The following GPR39 variants were observed in gnomAD, a reference collection of about 807,000 sequenced individuals.
GPR39 encodes zinc sensing receptor.
GPR39 carries 23 observed loss-of-function variants against 18.4 expected under a neutral mutation model. The ratio of observed to expected loss-of-function variants is 1.25; its 90% confidence interval spans 0.90 to 1.77. GPR39 has a LOEUF of 1.77. Among genes scored for constraint, GPR39 ranks in the 40% most tolerant of loss-of-function variants. The probability of loss-of-function intolerance (pLI) is 0.00; values close to 1 mark genes in which losing one functional copy is unlikely to be tolerated. For missense variants in GPR39, 647 were observed against 602.4 expected (o/e 1.07, Z -0.78); for synonymous variants, 280 against 257.9 (o/e 1.09, Z -0.82).
At chr2:132,536,600 T>G (rs997791632) in intron 1 of GPR39, among the ~76,000 whole-genome samples, 6 of 152,234 alleles carry the variant, frequency 3.9e-5, no homozygotes, top group Non-Finnish European at 8.8e-5. Context: ...GATCCAGAGC[T>G]GTGTTCAAGT....
In GPR39 at chr2:132,452,110, A is replaced by G. The variant is rs148524297; in HGVS notation, c.856+34212A>G. Among the ~76,000 whole-genome samples the G allele has an allele frequency of 2.5e-3, 376 of 152,286 alleles. 2 individuals are homozygous for G. Among genetic ancestry groups the G allele is most frequent in the African/African-American group, 8.7e-3 (361 of 41,578 alleles). ...CTAGTACCAAAGGTATCACTCCACT[A>G]TCTTCTAATGGTAAATGATACAATG... On this transcript the variant is annotated intron_variant, in intron 1 of 1. Transcript: ENST00000329321.
intron 1 of GPR39, among the ~76,000 whole-genome samples, chr2:132,487,874 G>A (rs531719287): frequency 6.6e-6 from 1 of 152,178 alleles, no homozygotes; most frequent in African/African-American, 2.4e-5. Flanking sequence ...TATTTAAAGA[G>A]ATAATGTACT....
intron 1 of GPR39, among the ~76,000 whole-genome samples, chr2:132,442,533 GT>G (rs1243907258): frequency 9.2e-5 from 14 of 152,190 alleles, no homozygotes; most frequent in Admixed American, 3.9e-4. Flanking sequence ...GAAACAGAAG[GT>G]GGGCCTGTCT....
intron 1 of GPR39, among the ~76,000 whole-genome samples, chr2:132,549,511 G>A (rs756554551): frequency 1.1e-4 from 16 of 152,154 alleles, no homozygotes; most frequent in Non-Finnish European, 2.1e-4. Flanking sequence ...TCAGGAGGTC[G>A]GGCACGGTGG....
chr2:132,555,112 C>T (rs1158476592), intron 1 of GPR39, among the ~76,000 whole-genome samples: 2 of 152,066 alleles, frequency 1.3e-5, no homozygotes, highest in Admixed American at 1.3e-4. Flanking sequence ...CCACCATGCC[C>T]GGCTAATTTT....
chr2:132,538,861 T>G (rs1157076446), intron 1 of GPR39, among the ~76,000 whole-genome samples: 1 of 152,134 alleles, frequency 6.6e-6, no homozygotes, highest in East Asian at 1.9e-4. Context: ...CTTAGCACTA[T>G]CAGGGGGAAA....
At chr2:132,510,270 A>C (rs773263474) in intron 1 of GPR39, among the ~76,000 whole-genome samples, 1 of 152,156 alleles carries the variant, frequency 6.6e-6, no homozygotes, top group Non-Finnish European at 1.5e-5. Context: ...CAAGACATGA[A>C]GTGAGCTTAT....
rs1682057304 is a variant in GPR39 at position 132,646,082 on chromosome 2, A to C, written c.*476A>C. The C allele has an allele frequency of 6.3e-7, 1 of 1,599,880 alleles. No individual in the cohort carries two copies. Among genetic ancestry groups the C allele is most frequent in the East Asian group, 2.3e-5 (1 of 44,210 alleles). ...CGAGAAGAGGGCTAATTTGAGGAAC[A>C]GGATGGTGGTGCGGAGCCCTGGCCT... On this transcript the variant is annotated 3_prime_UTR_variant, in exon 2 of 2. Transcript: ENST00000329321.
rs568100128 is a variant in GPR39, at chr2:132,424,196, T to A, written c.856+6298T>A. ...TGAAAGTGACTAGGGTGGTGAATGG[T>A]CCTTGTTAAAATCTATTGAACAAGA... On this transcript the variant is annotated intron_variant, in intron 1 of 1. Coordinates refer to ENST00000329321, the MANE Select transcript of GPR39 (RefSeq NM_001508.3). Among the ~76,000 whole-genome samples the A allele has an allele frequency of 2.6e-5, 4 of 152,322 alleles. No homozygotes were observed. The East Asian group carries it at 7.7e-4, about 29-fold the overall frequency.
At chr2:132,586,811 C>T (rs932755351) in intron 1 of GPR39, among the ~76,000 whole-genome samples, 1 of 152,180 alleles carries the variant, frequency 6.6e-6, no homozygotes, top group Admixed American at 6.5e-5. Flanking sequence ...ATGGGATTCT[C>T]GATGTCTTTC....
intron 1 of GPR39, among the ~76,000 whole-genome samples, chr2:132,434,914 C>T (rs1014586885): frequency 1.3e-5 from 2 of 152,182 alleles, no homozygotes; most frequent in African/African-American, 4.8e-5. Flanking sequence ...GAGGAAATAA[C>T]AGAAGATGAC....
rs1292171856 is a variant in GPR39, at chr2:132,645,615, C to G, written c.*9C>G. Reference sequence around the variant, plus strand: ...AGGAGCATGAAGTTTGAATGTCAAGCGAGGGAGCCTTGAGTGGGAACTGGC... The same window carrying G: ...AGGAGCATGAAGTTTGAATGTCAAGGGAGGGAGCCTTGAGTGGGAACTGGC... On this transcript the variant is annotated 3_prime_UTR_variant, in exon 2 of 2. Transcript: ENST00000329321. 2 of 1,604,768 alleles carry G rather than the reference C, an allele frequency of 1.2e-6. No homozygotes were observed. The highest frequency in any genetic ancestry group is 2.2e-5 in the South Asian group (2 of 89,724).
intron 1 of GPR39, among the ~76,000 whole-genome samples, chr2:132,494,867 G>T (rs1055724712): frequency 6.6e-6 from 1 of 152,096 alleles, no homozygotes; most frequent in Admixed American, 6.5e-5. Context: ...AAAAACTGAG[G>T]TTATATGTCA....
chr2:132,417,707 C>T lies in GPR39; in HGVS notation c.665C>T (p.Ser222Phe), dbSNP rs1450219214. 6.2e-7 allele frequency: 1 copy of T among 1,614,084 alleles called. No individual in the cohort carries two copies. The highest frequency in any genetic ancestry group is 1.7e-5 in the Admixed American group (1 of 60,010). Reference sequence around the variant, plus strand: ...TCCAGCCGCTGGACCGTGTTCCAGTCCAGCATCTTCGGCGCCTTCGTGGTC... The same window carrying T: ...TCCAGCCGCTGGACCGTGTTCCAGTTCAGCATCTTCGGCGCCTTCGTGGTC... ...NLSSRWTVFQSSIFGAFVVYL... is the reference protein window; with the variant it reads ...NLSSRWTVFQFSIFGAFVVYL... The change falls in exon 1 of 2, where the codon TCC becomes TTC. Residue 222 changes from serine to phenylalanine, a missense_variant. Transcript: ENST00000329321.
At chr2:132,641,847 G>T (rs1335388175) in intron 1 of GPR39, among the ~76,000 whole-genome samples, 1 of 152,112 alleles carries the variant, frequency 6.6e-6, no homozygotes, top group African/African-American at 2.4e-5. Flanking sequence ...TTTCTTGCTT[G>T]TGTTTCTGTA....
intron 1 of GPR39, among the ~76,000 whole-genome samples, chr2:132,515,653 T>C (rs1366186465): frequency 2.0e-5 from 3 of 152,158 alleles, no homozygotes; most frequent in Admixed American, 6.5e-5. Flanking sequence ...GAGACTAGAA[T>C]TCCCCTCACC....
chr2:132,643,778 C>A (rs145735926), intron 1 of GPR39, among the ~76,000 whole-genome samples: 4 of 152,264 alleles, frequency 2.6e-5, no homozygotes, highest in African/African-American at 7.2e-5. Flanking sequence ...CCTTGGCCTC[C>A]CAGAGTATTG....
intron 1 of GPR39, among the ~76,000 whole-genome samples, chr2:132,513,749 C>G (rs937472535): frequency 6.6e-6 from 1 of 152,136 alleles, no homozygotes; most frequent in Non-Finnish European, 1.5e-5. Context: ...GTCACTCTGG[C>G]CCCCCGAGTG....
chr2:132,430,197 C>T (rs889122133), intron 1 of GPR39, among the ~76,000 whole-genome samples: 13 of 152,150 alleles, frequency 8.5e-5, no homozygotes, highest in African/African-American at 3.1e-4. Context: ...AGTTATCAAC[C>T]CTGCTAAACA....
Sources: gnomAD v4.1 joint callset for allele counts (sites outside exome capture counted in the v4.1 genomes callset) on GRCh38, gnomAD v4.1.1 for gene constraint, MANE v1.5 for transcripts, NCBI Gene and HGNC (gene_info 2026-07-23, HGNC 2026-07-21) for gene names.